RAPH1: variants seen among roughly 807,000 people sequenced by gnomAD.
RAPH1 encodes Ras association (RalGDS/AF-6) and pleckstrin homology domains 1.
Under a neutral mutation model 88.1 loss-of-function variants are expected in RAPH1, and 18 were observed. That is an observed-to-expected ratio of 0.20 (90% confidence interval 0.14 to 0.30). The LOEUF is 0.30. Among genes scored for constraint, RAPH1 ranks in the 10% least tolerant of loss-of-function variants. RAPH1 has a pLI of 1.00. For missense variants in RAPH1, 1,448 were observed against 1,543.2 expected, an observed-to-expected ratio of 0.94 and a Z score of 1.03; for synonymous variants, 587 against 559.0, an observed-to-expected ratio of 1.05 and a Z score of -0.71.
At chr2:203,465,612 G>C (rs900446134) in intron 4 of RAPH1, among the ~76,000 whole-genome samples, 1 of 152,192 alleles carries the variant, frequency 6.6e-6, no homozygotes, top group Non-Finnish European at 1.5e-5. Flanking sequence ...CACCGGCAAG[G>C]CATGGTGGCC....
intron 1 of RAPH1, among the ~76,000 whole-genome samples, chr2:203,526,460 C>T (rs1020136233): frequency 1.3e-5 from 2 of 152,084 alleles, no homozygotes; most frequent in African/African-American, 4.8e-5. Flanking sequence ...CGAGATGGCT[C>T]AGGCCTGTAA....
intron 1 of RAPH1, among the ~76,000 whole-genome samples, chr2:203,509,420 A>C (rs1689236137): frequency 6.6e-6 from 1 of 152,184 alleles, no homozygotes; most frequent in African/African-American, 2.4e-5. Flanking sequence ...TCAGAAAAAA[A>C]TCAGAATTCG....
At chr2:203,472,268 G>A (rs2105741525) in intron 4 of RAPH1, among the ~76,000 whole-genome samples, 1 of 152,142 alleles carries the variant, frequency 6.6e-6, no homozygotes, top group Non-Finnish European at 1.5e-5. Context: ...GAGTAGCTGG[G>A]ATCACAGGCA....
At chr2:203,508,352 C>T (rs1195842654) in intron 1 of RAPH1, among the ~76,000 whole-genome samples, 1 of 151,858 alleles carries the variant, frequency 6.6e-6, no homozygotes, top group Non-Finnish European at 1.5e-5. Flanking sequence ...AGGCTGGTCT[C>T]GAACTCCCAA....
intron 10 of RAPH1, among the ~76,000 whole-genome samples, chr2:203,451,416 ATC>A (rs2098514820): frequency 6.6e-6 from 1 of 152,144 alleles, no homozygotes. Flanking sequence ...AACCCATGCA[ATC>A]TCATCCCAGA....
intron 1 of RAPH1, among the ~76,000 whole-genome samples, chr2:203,526,878 G>A (rs1435178556): frequency 6.6e-6 from 1 of 151,454 alleles, no homozygotes; most frequent in East Asian, 2.0e-4. Flanking sequence ...CTCCCTCCCA[G>A]GTTCAAGCAA....
chr2:203,533,810 G>C (rs937801495), intron 1 of RAPH1, among the ~76,000 whole-genome samples: 1 of 152,112 alleles, frequency 6.6e-6, no homozygotes, highest in Non-Finnish European at 1.5e-5. Flanking sequence ...GCCAGGCAAG[G>C]TGCTACGCAT....
chr2:203,457,633 G>A, intron 7 of RAPH1, 38 bp from the exon 8 acceptor site: 1 of 1,437,608 alleles, frequency 7.0e-7, no homozygotes, highest in African/African-American at 1.4e-5. Context: ...GGGTGGGAGA[G>A]AAAAAAAGAA....
chr2:203,514,274 C>T (rs1689495576), intron 1 of RAPH1, among the ~76,000 whole-genome samples: 1 of 152,238 alleles, frequency 6.6e-6, no homozygotes, highest in Non-Finnish European at 1.5e-5. Flanking sequence ...CAGCTATCTG[C>T]TCTGCCCTAG....
At position 203,438,207 on chromosome 2, in the gene RAPH1, GA is replaced by G. The variant is rs757756462; in HGVS notation, c.*1229del. 1.9e-6 allele frequency: 1 copy of G among 518,202 alleles called. No homozygotes were observed. Among genetic ancestry groups the G allele is most frequent in the South Asian group, 1.4e-5 (1 of 71,248 alleles). 32.1% of individuals were successfully genotyped at this position (518,202 alleles called of 1,614,324 possible). A position where few individuals can be genotyped will look rare whatever the true frequency, so the allele number is the denominator to read the frequency against. On this transcript the variant is annotated 3_prime_UTR_variant, in exon 14 of 14. Coordinates refer to ENST00000319170, the MANE Select transcript of RAPH1 (RefSeq NM_213589.3). Reference sequence around the variant, plus strand: ...CCTGGTAGCCCCAGTAGCTATAAATGAAACTGTCTTCCCTCTCCATGTAGTC... The same window carrying G: ...CCTGGTAGCCCCAGTAGCTATAAATGAACTGTCTTCCCTCTCCATGTAGTC...
rs1181701831 is a variant in RAPH1 at position 203,439,333 on chromosome 2, A to T, written c.*104T>A. On this transcript the variant is annotated 3_prime_UTR_variant, in exon 14 of 14. Coordinates refer to ENST00000319170, the MANE Select transcript of RAPH1 (RefSeq NM_213589.3). ...ACACATATAGCTGGACACTACCTGA[A>T]TAACATCATACCAGGAGGCTCTGAA... The T allele has an allele frequency of 4.7e-6, 5 of 1,056,664 alleles. No individual in the cohort carries two copies. The highest frequency in any genetic ancestry group is 5.6e-6 in the Non-Finnish European group (4 of 709,724). The allele number at this position is 1,056,664 out of a possible 1,614,324, so 65.5% of individuals were successfully genotyped here.
At chr2:203,522,760 A>G (rs2105972750) in intron 1 of RAPH1, among the ~76,000 whole-genome samples, 1 of 151,824 alleles carries the variant, frequency 6.6e-6, no homozygotes, top group African/African-American at 2.4e-5. Flanking sequence ...AAATTAGCCG[A>G]GCATGGTGGC....
chr2:203,458,959 T>G (rs1481455041), intron 7 of RAPH1, among the ~76,000 whole-genome samples: 1 of 152,134 alleles, frequency 6.6e-6, no homozygotes, highest in Non-Finnish European at 1.5e-5. Context: ...AGACAGGGTT[T>G]CACCGTGTTA....
intron 1 of RAPH1, among the ~76,000 whole-genome samples, chr2:203,514,879 T>C (rs1689527602): frequency 6.6e-6 from 1 of 152,118 alleles, no homozygotes; most frequent in South Asian, 2.1e-4. Flanking sequence ...TTAACAATCT[T>C]GAAAATCCAC....
At position 203,439,181 on chromosome 2, in the gene RAPH1, A is replaced by G; in HGVS notation, c.*256T>C. 2.7e-6 allele frequency: 1 copy of G among 375,586 alleles called. No homozygotes were observed. The highest frequency in any genetic ancestry group is 2.0e-5 in the African/African-American group (1 of 50,346). 23.3% of individuals were successfully genotyped at this position (375,586 alleles called of 1,614,324 possible). A position where few individuals can be genotyped will look rare whatever the true frequency, so the allele number is the denominator to read the frequency against. On this transcript the variant is annotated 3_prime_UTR_variant, in exon 14 of 14. Coordinates refer to ENST00000319170, the MANE Select transcript of RAPH1 (RefSeq NM_213589.3). ...AATACAGAACACCCATTTTCAGATT[A>G]GGAGAGAAAAGGAATAAATAGAATA...
At position 203,439,715 on chromosome 2, in the gene RAPH1, G is replaced by A; in HGVS notation, c.3475C>T (p.Leu1159Phe). The change falls in exon 14 of 14, where the codon CTT becomes TTT. Residue 1159 changes from leucine (L) to phenylalanine (F), a missense_variant. Coordinates refer to ENST00000319170, the MANE Select transcript of RAPH1 (RefSeq NM_213589.3). ...PQVPTSPKSS[L>F]SVQPGFLADL... is the part of the protein sequence containing the mutation. ...GCCAGGAATCCAGGCTGGACACTAA[G>A]GCTGGATTTGGGAGAGGTGGGCACT... 1 of 1,614,164 alleles carries A rather than the reference G, an allele frequency of 6.2e-7. No homozygotes were observed. Among genetic ancestry groups the A allele is most frequent in the African/African-American group, 1.3e-5 (1 of 75,026 alleles).
At chr2:203,451,983 C>T (rs1384167089) in intron 10 of RAPH1, among the ~76,000 whole-genome samples, 33 of 152,314 alleles carry the variant, frequency 2.2e-4, no homozygotes, top group Non-Finnish European at 4.4e-5. Context: ...CTTCTGCTGG[C>T]TGGATTTTTC....
In RAPH1 at chr2:203,495,709, C is replaced by G. The variant is rs570731402; in HGVS notation, c.1-356G>C. Among the ~76,000 whole-genome samples the G allele has an allele frequency of 2.0e-5, 3 of 152,174 alleles. No individual in the cohort carries two copies. In the South Asian group the frequency reaches 6.2e-4, roughly 32 times the overall value. Reference sequence around the variant, plus strand: ...TAGATCCTAGGACACCCAAACACCACAAAGAAGCCATTTCAGAAGACTTTA... The same window carrying G: ...TAGATCCTAGGACACCCAAACACCAGAAAGAAGCCATTTCAGAAGACTTTA... On this transcript the variant is annotated intron_variant, in intron 1 of 13. Coordinates refer to ENST00000319170, the MANE Select transcript of RAPH1 (RefSeq NM_213589.3).
chr2:203,530,797 C>T (rs1008948438), intron 1 of RAPH1, among the ~76,000 whole-genome samples: 4 of 151,544 alleles, frequency 2.6e-5, no homozygotes, highest in Non-Finnish European at 5.9e-5. Flanking sequence ...GAGGCTGAGG[C>T]AGGAGAATCG....
Sources: allele counts gnomAD v4.1 joint callset (sites outside exome capture counted in the v4.1 genomes callset), GRCh38; gene constraint gnomAD v4.1.1; transcripts MANE v1.5; gene names NCBI Gene and HGNC (gene_info 2026-07-23, HGNC 2026-07-21).